The following WDFY3 variants were observed in gnomAD, a reference collection of about 807,000 sequenced individuals.
The protein encoded by WDFY3 is WD repeat and FYVE domain containing 3.
WDFY3 carries 66 observed loss-of-function variants against 409.6 expected under a neutral mutation model. The ratio of observed to expected loss-of-function variants is 0.16; its 90% CI spans 0.13 to 0.20. WDFY3 has a LOEUF of 0.20. Among genes scored for constraint, WDFY3 ranks in the 10% least tolerant of loss-of-function variants. The pLI is 1.00. For missense variants in WDFY3, 3,031 were observed against 4,298.1 expected (o/e 0.71, Z 8.24); for synonymous variants, 1,521 against 1,537.1 (o/e 0.99, Z 0.25).
intron 17 of WDFY3, among the ~76,000 whole-genome samples, chr4:84,800,962 G>A (rs576354727): frequency 5.3e-5 from 8 of 152,060 alleles, no homozygotes; most frequent in Non-Finnish European, 1.2e-4. Context: ...TCCATGGCTC[G>A]GGGGTTTGAG....
chr4:84,875,380 T>C (rs887888896), intron 3 of WDFY3, among the ~76,000 whole-genome samples: 20 of 151,976 alleles, frequency 1.3e-4, no homozygotes, highest in African/African-American at 4.6e-4. Context: ...TGAATGGAGC[T>C]TGCAAGACTG....
chr4:84,683,963 G>C lies in WDFY3; in HGVS notation c.9706C>G (p.His3236Asp). The C allele has an allele frequency of 1.2e-6, 2 of 1,602,668 alleles. No homozygotes were observed. The highest frequency in any genetic ancestry group is 1.7e-6 in the Non-Finnish European group (2 of 1,170,874). Residue 3236 changes from histidine (H) to aspartate (D), a missense_variant, in exon 63 of 68, where the codon CAC (histidine) becomes GAC (aspartate). His to Asp is a moderately conservative substitution (Grantham distance 81). Coordinates refer to ENST00000295888, the MANE Select transcript of WDFY3 (RefSeq NM_014991.6). ...WDTQNVIVTG[H>D]SDGVVRFWRM... is the part of the protein sequence containing the mutation. ...CTTACCCGAACCACTCCATCTGAGT[G>C]TCCTGTCACTATGACGTTCTGCGTG... is the stretch of plus-strand genomic sequence containing the variant.
chr4:84,729,239 T>A (rs185972054), intron 44 of WDFY3, among the ~76,000 whole-genome samples: 60 of 152,022 alleles, frequency 3.9e-4, no homozygotes, highest in African/African-American at 1.0e-3. Flanking sequence ...AATTTTTTTT[T>A]AAATGGCAAA....
chr4:84,793,566 T>C (rs968451658), intron 21 of WDFY3, among the ~76,000 whole-genome samples: 2 of 152,168 alleles, frequency 1.3e-5, no homozygotes, highest in African/African-American at 4.8e-5. Context: ...GAGGGGCAGA[T>C]AGAAGAGAAA....
chr4:84,882,235 A>G (rs372656370), intron 3 of WDFY3, among the ~76,000 whole-genome samples: 2 of 152,110 alleles, frequency 1.3e-5, no homozygotes, highest in East Asian at 3.9e-4. Flanking sequence ...ATTTGAGGCT[A>G]TTTCTCGCCC....
chr4:84,783,667 C>T (rs139443086), intron 24 of WDFY3, among the ~76,000 whole-genome samples: 1 of 152,224 alleles, frequency 6.6e-6, no homozygotes, highest in East Asian at 1.9e-4. Flanking sequence ...AACATATTAG[C>T]TTTATTCCAT....
At chr4:84,801,889 C>T (rs367765797) in intron 16 of WDFY3, 25 bp from the exon 17 acceptor site, 2 of 1,600,482 alleles carry the variant, frequency 1.2e-6, no homozygotes, top group Admixed American at 1.7e-5. Context: ...GAAATCCACA[C>T]AGTCAGGTCA....
chr4:84,712,966 A>G (rs1733191480), intron 51 of WDFY3, among the ~76,000 whole-genome samples, 193 bp downstream of exon 51: 1 of 152,208 alleles, frequency 6.6e-6, no homozygotes, highest in Admixed American at 6.5e-5. Context: ...ATTGATCAAA[A>G]TGTGAGCAGT....
At chr4:84,774,014 C>A (rs927280926) in intron 29 of WDFY3, among the ~76,000 whole-genome samples, 1 of 152,198 alleles carries the variant, frequency 6.6e-6, no homozygotes, top group Admixed American at 6.5e-5. Flanking sequence ...GCCACTGCAC[C>A]CGGCCCCCCA....
At chr4:84,726,944 G>GAA in intron 44 of WDFY3, 33 bp from the exon 45 acceptor site, 9 of 1,503,088 alleles carry the variant, frequency 6.0e-6, no homozygotes, top group South Asian at 2.6e-5. Flanking sequence ...AGACATATCA[G>GAA]AAAAAAAAAC....
rs996708768 is a variant in WDFY3 at position 84,840,629 on chromosome 4, C to G, written c.414+525G>C. Among the ~76,000 whole-genome samples, 4 of 152,106 alleles carry G rather than the reference C, an allele frequency of 2.6e-5. No homozygotes were observed. In the South Asian group the frequency reaches 8.3e-4, roughly 32 times the overall value. The stretch of plus-strand genomic sequence containing the variant: ...ACAGGGTCTCACTCTGTCACCGAGG[C>G]TGGAGTGGTGTCATTATGGCTCACT... On this transcript the variant is annotated intron_variant, in intron 6 of 67. Transcript: ENST00000295888.
intron 32 of WDFY3, among the ~76,000 whole-genome samples, chr4:84,759,992 T>G (rs1237731428): frequency 6.6e-6 from 1 of 152,078 alleles, no homozygotes; most frequent in African/African-American, 2.4e-5. Context: ...ACACCTAATT[T>G]ATTGAGAGTT....
At chr4:84,720,502 G>T (rs985420114) in intron 47 of WDFY3, among the ~76,000 whole-genome samples, 7 of 152,106 alleles carry the variant, frequency 4.6e-5, no homozygotes, top group African/African-American at 1.7e-4. Flanking sequence ...TTGGAGGTGC[G>T]GCCTTATGGG....
intron 2 of WDFY3, among the ~76,000 whole-genome samples, chr4:84,926,766 C>G (rs955915670): frequency 6.6e-6 from 1 of 152,170 alleles, no homozygotes; most frequent in Non-Finnish European, 1.5e-5. Context: ...GTAACAGCAT[C>G]CTAAGAGCAT....
intron 6 of WDFY3, among the ~76,000 whole-genome samples, chr4:84,840,768 T>C (rs1165103736): frequency 2.7e-5 from 4 of 150,508 alleles, no homozygotes; most frequent in Non-Finnish European, 5.9e-5. Flanking sequence ...TTTAAAGAGA[T>C]TGGGGTCTCT....
chr4:84,735,250 C>A, intron 42 of WDFY3, 130 bp from the exon 43 acceptor site: 2 of 776,394 alleles, frequency 2.6e-6, no homozygotes, highest in South Asian at 1.8e-5. Flanking sequence ...AAAACTAAAA[C>A]AAAAAATTCA....
intron 15 of WDFY3, among the ~76,000 whole-genome samples, chr4:84,805,240 C>A (rs1751321604): frequency 6.6e-6 from 1 of 151,934 alleles, no homozygotes; most frequent in Admixed American, 6.6e-5. Context: ...TTACAAAATC[C>A]AAAAAAGTGG....
At chr4:84,802,566 C>G (rs1750794915) in intron 16 of WDFY3, among the ~76,000 whole-genome samples, 1 of 151,946 alleles carries the variant, frequency 6.6e-6, no homozygotes, top group Non-Finnish European at 1.5e-5. Context: ...CCGCGCCTGG[C>G]CAGAAGCATA....
intron 21 of WDFY3, among the ~76,000 whole-genome samples, chr4:84,790,965 T>C (rs1748415282): frequency 6.6e-6 from 1 of 151,088 alleles, no homozygotes; most frequent in Non-Finnish European, 1.5e-5. Flanking sequence ...GACACAAGTG[T>C]TGGCAAGAAT....
Sources: gnomAD v4.1 joint callset for allele counts (sites outside exome capture counted in the v4.1 genomes callset) on GRCh38, gnomAD v4.1.1 for gene constraint, MANE v1.5 for transcripts, NCBI Gene and HGNC (gene_info 2026-07-23, HGNC 2026-07-21) for gene names.